Variants in PDE4B observed in about 807,000 individuals in gnomAD.
PDE4B encodes phosphodiesterase 4B, also known as 3',5'-cyclic-AMP phosphodiesterase 4B.
PDE4B carries 20 observed loss-of-function variants against 82.2 expected under a neutral mutation model. The observed-to-expected ratio is 0.24, with a 90% CI of 0.17 to 0.35. The LOEUF (loss-of-function observed/expected upper bound fraction) is 0.35. PDE4B is among the 10% of genes least tolerant of loss of function. The probability of loss-of-function intolerance (pLI) is 1.00; values close to 1 mark genes in which losing one functional copy is unlikely to be tolerated. For missense variants in PDE4B, 655 were observed against 907.2 expected, an observed-to-expected ratio of 0.72 and a Z score of 3.57; for synonymous variants, 320 against 318.9, an observed-to-expected ratio of 1.00 and a Z score of -0.04.
intron 3 of PDE4B, among the ~76,000 whole-genome samples, chr1:66,239,626 T>C (rs1570536109): frequency 6.6e-6 from 1 of 152,352 alleles, no homozygotes; most frequent in South Asian, 2.1e-4. Context: ...CCTATATTTA[T>C]GAAGAGGGAA....
At chr1:66,257,494 C>T (rs770071189) in intron 4 of PDE4B, 153 bp from the exon 5 acceptor site, 8 of 831,888 alleles carry the variant, frequency 9.6e-6, no homozygotes, top group African/African-American at 5.0e-5. Context: ...AATACCCTTT[C>T]GTGCCAAATT....
intron 3 of PDE4B, among the ~76,000 whole-genome samples, chr1:66,204,480 C>T (rs1428014652): frequency 6.6e-6 from 1 of 152,258 alleles, no homozygotes; most frequent in Admixed American, 6.5e-5. Context: ...CCTCCTTGAG[C>T]TGTGGTGGGC....
At chr1:65,965,564 C>A (rs1432166197) in intron 3 of PDE4B, among the ~76,000 whole-genome samples, 1 of 151,260 alleles carries the variant, frequency 6.6e-6, no homozygotes, top group East Asian at 1.9e-4. Context: ...CCCAGAAATC[C>A]AAGACTTAAC....
At chr1:66,254,835 C>T (rs1478625403) in intron 4 of PDE4B, among the ~76,000 whole-genome samples, 1 of 152,144 alleles carries the variant, frequency 6.6e-6, no homozygotes, top group Non-Finnish European at 1.5e-5. Context: ...TTGACATTAC[C>T]TATTGGTTCT....
rs375528547 is a variant in PDE4B at position 65,958,800 on chromosome 1, AC to A, written c.281+39967del. Among the ~76,000 whole-genome samples the A allele has an allele frequency of 3.1e-4, 47 of 152,082 alleles. 1 individual carries two copies. The highest frequency in any genetic ancestry group is 1.1e-3 in the African/African-American group (44 of 41,488). On this transcript the variant is annotated intron_variant, in intron 3 of 16. Coordinates refer to ENST00000341517, the MANE Select transcript of PDE4B (RefSeq NM_002600.4). ...CACACACGCAAAATACCATAGTGTT[AC>A]CTTATCTTTTTAACCTGTTTTATCT...
intron 1 of PDE4B, among the ~76,000 whole-genome samples, chr1:65,819,688 A>G (rs1301688514): frequency 6.6e-6 from 1 of 151,464 alleles, no homozygotes; most frequent in African/African-American, 2.4e-5. Flanking sequence ...TTTAGCAGAG[A>G]CGGGGTTTCA....
At chr1:65,981,846 C>T (rs543921151) in intron 3 of PDE4B, among the ~76,000 whole-genome samples, 1 of 152,040 alleles carries the variant, frequency 6.6e-6, no homozygotes, top group Admixed American at 6.6e-5. Flanking sequence ...TGCCTTCCCC[C>T]CAAGAAAGGG....
intron 1 of PDE4B, among the ~76,000 whole-genome samples, chr1:65,801,932 T>C (rs1307080335): frequency 1.3e-5 from 2 of 152,184 alleles, no homozygotes; most frequent in Non-Finnish European, 2.9e-5. Flanking sequence ...AGGTTGGAAT[T>C]TGCAGTACAT....
chr1:65,830,760 A>G (rs1177174310), intron 1 of PDE4B, among the ~76,000 whole-genome samples: 13 of 152,206 alleles, frequency 8.5e-5, no homozygotes, highest in Admixed American at 8.5e-4. Flanking sequence ...AATAGAGAAC[A>G]GGACACTAGT....
chr1:65,928,609 T>C (rs1195283718), intron 3 of PDE4B, among the ~76,000 whole-genome samples: 1 of 152,168 alleles, frequency 6.6e-6, no homozygotes, highest in African/African-American at 2.4e-5. Context: ...AGAAGAGCAA[T>C]TACAGGGCTC....
chr1:66,236,678 G>T (rs774377774), intron 3 of PDE4B, among the ~76,000 whole-genome samples: 1 of 152,142 alleles, frequency 6.6e-6, no homozygotes, highest in Admixed American at 6.5e-5. Context: ...GATGATGCAG[G>T]AGAGAGTAAA....
intron 11 of PDE4B, 34 bp from the exon 12 acceptor site, chr1:66,363,373 A>T: frequency 6.3e-7 from 1 of 1,580,722 alleles, no homozygotes; most frequent in Non-Finnish European, 8.6e-7. Context: ...TTGGACATCT[A>T]CTTATTTATG....
At chr1:66,299,776 C>T (rs931337104) in intron 7 of PDE4B, among the ~76,000 whole-genome samples, 2 of 152,124 alleles carry the variant, frequency 1.3e-5, no homozygotes, top group African/African-American at 2.4e-5. Context: ...TTTCCTCACT[C>T]ATTGTGACAT....
At chr1:66,147,627 CT>C (rs1260298480) in intron 3 of PDE4B, among the ~76,000 whole-genome samples, 1 of 152,190 alleles carries the variant, frequency 6.6e-6, no homozygotes, top group African/African-American at 2.4e-5. Context: ...ATCTTCTTGT[CT>C]GCTTGGATTC....
chr1:66,157,425 C>T (rs935056131), intron 3 of PDE4B, among the ~76,000 whole-genome samples: 1 of 152,102 alleles, frequency 6.6e-6, no homozygotes, highest in Admixed American at 6.5e-5. Flanking sequence ...TGATGAAAAC[C>T]CAGTTTTTTC....
chr1:66,149,073 C>T lies in PDE4B; in HGVS notation c.282-98387C>T, dbSNP rs574477760. On this transcript the variant is annotated intron_variant, in intron 3 of 16. Transcript: ENST00000341517. ...CCAAATTTTCCCAAAGAAGGTGTAC[C>T]GTTTTTCAATCCCTTCAGCAATGAA... Among the ~76,000 whole-genome samples, 13 of 152,268 alleles carry T rather than the reference C, an allele frequency of 8.5e-5. No individual in the cohort carries two copies. In the South Asian group the frequency reaches 1.9e-3, roughly 22 times the overall value.
At chr1:66,340,874 C>A (rs1365826082) in intron 8 of PDE4B, among the ~76,000 whole-genome samples, 1 of 152,070 alleles carries the variant, frequency 6.6e-6, no homozygotes, top group Non-Finnish European at 1.5e-5. Flanking sequence ...TAGATTTCAA[C>A]TCAATTATAT....
chr1:66,060,337 G>T (rs72641140), intron 3 of PDE4B, among the ~76,000 whole-genome samples: 7,315 of 152,200 alleles, frequency 0.048, 533 homozygotes, highest in East Asian at 0.36. Flanking sequence ...TTTACTTGCT[G>T]TAAAATTCTT....
chr1:65,868,528 C>T (rs558169215), intron 1 of PDE4B, among the ~76,000 whole-genome samples: 1 of 152,300 alleles, frequency 6.6e-6, no homozygotes, highest in East Asian at 1.9e-4. Flanking sequence ...AGCCATAGAG[C>T]ATTCACCTAT....
Sources: gnomAD v4.1 joint callset for allele counts (sites outside exome capture counted in the v4.1 genomes callset) on GRCh38, gnomAD v4.1.1 for gene constraint, MANE v1.5 for transcripts, NCBI Gene and HGNC (gene_info 2026-07-23, HGNC 2026-07-21) for gene names.